PRELID2: variants seen among roughly 807,000 people sequenced by gnomAD.
PRELID2 encodes the protein PRELI domain containing 2, also known as PRELI domain-containing protein 2.
A neutral mutation model predicts 28.4 loss-of-function variants in PRELID2; 25 were observed. The ratio of observed to expected loss-of-function variants is 0.88; its 90% confidence interval spans 0.64 to 1.23. The LOEUF is 1.23. PRELID2 is among the 50% of genes most tolerant of loss of function. The pLI is 0.00. For synonymous variants in PRELID2, 76 were observed against 71.6 expected (o/e 1.06, Z -0.31); for missense variants, 201 against 214.4 (o/e 0.94, Z 0.39).
At chr5:145,229,108 C>A in the PRELID2 span, 26 of 1,453,508 alleles carry the variant, frequency 1.8e-5, no homozygotes, top group Non-Finnish European at 2.4e-5. Context: ...CCCTGCATCG[C>A]CCACAAAAAA....
the PRELID2 span, among the ~76,000 whole-genome samples, chr5:145,415,526 C>A: frequency 4.8e-5 from 7 of 146,552 alleles, no homozygotes; most frequent in Non-Finnish European, 1.0e-4. Context: ...CGAGAACATG[C>A]AGTGTTTGGT....
At chr5:145,559,836 T>TAAAAAAAAAAA (rs59361990) in intron 1 of PRELID2, among the ~76,000 whole-genome samples, 1 of 142,328 alleles carries the variant, frequency 7.0e-6, no homozygotes, top group Non-Finnish European at 1.5e-5. Context: ...TAAAAAGAGG[T>TAAAAAAAAAAA]AAAAAAAAAA....
intron 1 of PRELID2, among the ~76,000 whole-genome samples, chr5:145,640,871 G>C (rs1754096348): frequency 6.6e-6 from 1 of 152,084 alleles, no homozygotes; most frequent in Non-Finnish European, 1.5e-5. Context: ...ATGACAACAT[G>C]ATATATGATG....
intron 1 of PRELID2, among the ~76,000 whole-genome samples, chr5:145,599,390 C>A (rs1033276223): frequency 6.6e-6 from 1 of 151,276 alleles, no homozygotes; most frequent in East Asian, 1.9e-4. Flanking sequence ...GACCACAAAC[C>A]CTTAGGAGGC....
intron 1 of PRELID2, among the ~76,000 whole-genome samples, chr5:145,623,652 G>T (rs767310730): frequency 5.6e-5 from 8 of 143,090 alleles, no homozygotes; most frequent in Non-Finnish European, 8.8e-5. Flanking sequence ...TAGGTAGATA[G>T]GTAGGTAGGT....
chr5:145,702,883 A>G (rs553408516), intron 1 of PRELID2, among the ~76,000 whole-genome samples: 5 of 152,346 alleles, frequency 3.3e-5, no homozygotes, highest in African/African-American at 1.2e-4. Flanking sequence ...CAATCACTAG[A>G]AAAAAATGTT....
chr5:145,366,442 T>C, the PRELID2 span, among the ~76,000 whole-genome samples: 1 of 151,832 alleles, frequency 6.6e-6, no homozygotes, highest in African/African-American at 2.4e-5. Context: ...AAACATGTGA[T>C]TTGTCAAATC....
At chr5:145,403,316 T>C in the PRELID2 span, among the ~76,000 whole-genome samples, 28 of 152,248 alleles carry the variant, frequency 1.8e-4, no homozygotes, top group African/African-American at 3.9e-4. Flanking sequence ...GGTGGGAAGA[T>C]AGCTTGAGCC....
chr5:145,440,284 C>T, the PRELID2 span, among the ~76,000 whole-genome samples: 3 of 152,126 alleles, frequency 2.0e-5, no homozygotes, highest in Admixed American at 6.5e-5. Context: ...CTTGAACCAT[C>T]GCAAACAGAA....
At chr5:145,542,302 G>A (rs920471703) in intron 1 of PRELID2, among the ~76,000 whole-genome samples, 1 of 152,122 alleles carries the variant, frequency 6.6e-6, no homozygotes, top group African/African-American at 2.4e-5. Flanking sequence ...CAAATAGAAA[G>A]AGAAGGGAGT....
At chr5:145,682,687 G>T (rs56124935) in intron 1 of PRELID2, among the ~76,000 whole-genome samples, 4,214 of 152,220 alleles carry the variant, frequency 0.028, 182 homozygotes, top group African/African-American at 0.092. Flanking sequence ...GGAAATGCTG[G>T]TATTCACCAT....
intron 1 of PRELID2, among the ~76,000 whole-genome samples, chr5:145,710,559 A>C (rs757660929): frequency 6.6e-6 from 1 of 152,230 alleles, no homozygotes; most frequent in African/African-American, 2.4e-5. Context: ...TTCTCCCCTG[A>C]ACTATGGCTA....
chr5:145,806,867 C>G (rs1298904643), intron 4 of PRELID2, among the ~76,000 whole-genome samples: 1 of 152,146 alleles, frequency 6.6e-6, no homozygotes, highest in Non-Finnish European at 1.5e-5. Flanking sequence ...TCACCTTCCA[C>G]CATAATTGTA....
the PRELID2 span, among the ~76,000 whole-genome samples, chr5:145,320,528 GACCCA>G: frequency 6.6e-6 from 1 of 152,104 alleles, no homozygotes; most frequent in African/African-American, 2.4e-5. Context: ...GTTGAACAAT[GACCCA>G]GGAGTTAGGT....
intron 1 of PRELID2, among the ~76,000 whole-genome samples, chr5:145,499,244 T>C (rs947708621): frequency 6.6e-6 from 1 of 152,148 alleles, no homozygotes; most frequent in African/African-American, 2.4e-5. Flanking sequence ...TGAGACTCCA[T>C]CTCGTAAAAT....
At chr5:145,502,140 T>C (rs1272699564) in intron 1 of PRELID2, among the ~76,000 whole-genome samples, 1 of 152,034 alleles carries the variant, frequency 6.6e-6, no homozygotes, top group Non-Finnish European at 1.5e-5. Flanking sequence ...ACAGGAAGCA[T>C]AATGGCATCT....
intron 1 of PRELID2, among the ~76,000 whole-genome samples, chr5:145,548,413 A>G (rs1466237576): frequency 1.3e-5 from 2 of 152,216 alleles, no homozygotes; most frequent in Non-Finnish European, 2.9e-5. Flanking sequence ...CTTTGGCCAC[A>G]TGAAAACAAA....
At chr5:145,781,545 C>T (rs1751591594) in intron 5 of PRELID2, among the ~76,000 whole-genome samples, 1 of 150,088 alleles carries the variant, frequency 6.7e-6, no homozygotes, top group African/African-American at 2.4e-5. Context: ...GCAGATGCAG[C>T]CCCTATATTT....
intron 1 of PRELID2, among the ~76,000 whole-genome samples, chr5:145,678,928 A>T (rs11955157): frequency 0.029 from 4,469 of 152,276 alleles, 203 homozygotes; most frequent in African/African-American, 0.098. Flanking sequence ...AAGTGCGAGA[A>T]AATTCACATT....
Sources: allele counts gnomAD v4.1 joint callset (sites outside exome capture counted in the v4.1 genomes callset), GRCh38; gene constraint gnomAD v4.1.1; transcripts MANE v1.5; gene names NCBI Gene and HGNC (gene_info 2026-07-23, HGNC 2026-07-21).